Variants in TNR observed in about 807,000 individuals in gnomAD.
TNR encodes tenascin R, also known as tenascin-R.
In TNR, 45 loss-of-function variants were observed where a neutral mutation model predicts 150.4. The observed-to-expected ratio is 0.30, with a 90% confidence interval of 0.24 to 0.38. The LOEUF is 0.38. Among genes scored for constraint, TNR ranks in the 10% least tolerant of loss-of-function variants. The pLI is 1.00. For missense variants in TNR, 1,544 were observed against 1,759.1 expected, an observed-to-expected ratio of 0.88 and a Z score of 2.19; for synonymous variants, 687 against 678.4, an observed-to-expected ratio of 1.01 and a Z score of -0.20.
At chr1:175,420,491 C>T (rs75702870) in intron 2 of TNR, among the ~76,000 whole-genome samples, 1,554 of 152,282 alleles carry the variant, frequency 0.01, 23 homozygotes, top group African/African-American at 0.035. Context: ...TTCAACTAAC[C>T]TAACAGTGGA....
At chr1:175,500,594 C>T (rs1234740343) in intron 2 of TNR, among the ~76,000 whole-genome samples, 2 of 152,170 alleles carry the variant, frequency 1.3e-5, no homozygotes, top group Non-Finnish European at 2.9e-5. Context: ...CTACACGACT[C>T]AGCTAGAGTT....
At chr1:175,411,802 G>T (rs543065277) in intron 2 of TNR, among the ~76,000 whole-genome samples, 23 of 152,056 alleles carry the variant, frequency 1.5e-4, no homozygotes, top group African/African-American at 5.3e-4. Context: ...ACATTCTGAG[G>T]TTCTGGGGTT....
At chr1:175,349,255 A>T (rs1650942659) in intron 18 of TNR, among the ~76,000 whole-genome samples, 1 of 152,306 alleles carries the variant, frequency 6.6e-6, no homozygotes, top group Admixed American at 6.5e-5. Flanking sequence ...TCCAGAAGGC[A>T]TTACCTTAGT....
chr1:175,333,662 T>A (rs1335677118), intron 20 of TNR, among the ~76,000 whole-genome samples: 1 of 152,090 alleles, frequency 6.6e-6, no homozygotes, highest in Non-Finnish European at 1.5e-5. Context: ...GGTAATGGGG[T>A]TAGAAGATAA....
intron 1 of TNR, among the ~76,000 whole-genome samples, chr1:175,699,685 A>T (rs1666628985): frequency 1.3e-5 from 2 of 152,066 alleles, no homozygotes; most frequent in African/African-American, 4.8e-5. Context: ...AGCTGGGTAG[A>T]CGGAAGGTGG....
intron 15 of TNR, among the ~76,000 whole-genome samples, chr1:175,358,461 C>T (rs1267100072): frequency 6.6e-6 from 1 of 152,140 alleles, no homozygotes; most frequent in East Asian, 1.9e-4. Context: ...ATTCCTTTTC[C>T]AAGTTGTTTA....
intron 1 of TNR, among the ~76,000 whole-genome samples, chr1:175,729,855 A>G (rs1308101671): frequency 6.6e-6 from 1 of 152,134 alleles, no homozygotes; most frequent in African/African-American, 2.4e-5. Flanking sequence ...TGCTCACCCC[A>G]AGTCCCTCCA....
intron 6 of TNR, among the ~76,000 whole-genome samples, chr1:175,392,284 A>G (rs1395090709): frequency 6.6e-6 from 1 of 152,078 alleles, no homozygotes; most frequent in Non-Finnish European, 1.5e-5. Flanking sequence ...GGGCACTGCC[A>G]TTCTCCCCTA....
chr1:175,564,626 G>A (rs747029585), intron 1 of TNR, among the ~76,000 whole-genome samples: 4 of 152,204 alleles, frequency 2.6e-5, no homozygotes, highest in East Asian at 1.9e-4. Flanking sequence ...TGGTTTGAAG[G>A]GGGGAGCTTA....
chr1:175,481,649 A>T (rs1209924257), intron 2 of TNR, among the ~76,000 whole-genome samples: 1 of 152,150 alleles, frequency 6.6e-6, no homozygotes, highest in African/African-American at 2.4e-5. Context: ...CTTGGAAAAG[A>T]AGGTGGTGGG....
At chr1:175,412,369 C>T (rs918728690) in intron 2 of TNR, among the ~76,000 whole-genome samples, 7 of 152,126 alleles carry the variant, frequency 4.6e-5, no homozygotes, top group Admixed American at 4.6e-4. Flanking sequence ...GTTTTCTCCA[C>T]CAATCCAAGA....
intron 1 of TNR, among the ~76,000 whole-genome samples, chr1:175,547,641 AAG>A (rs1557999547): frequency 2.8e-4 from 28 of 98,940 alleles, no homozygotes; most frequent in African/African-American, 9.8e-4. Context: ...AAGAAAGAGA[AAG>A]AAAGAAAGGA....
chr1:175,394,990 A>T (rs555730063), intron 5 of TNR, among the ~76,000 whole-genome samples: 13 of 152,266 alleles, frequency 8.5e-5, no homozygotes, highest in Non-Finnish European at 1.8e-4. Flanking sequence ...AAAGCGGCAG[A>T]TGGTGACCTG....
chr1:175,724,927 G>C (rs1667438306), intron 1 of TNR, among the ~76,000 whole-genome samples: 1 of 152,124 alleles, frequency 6.6e-6, no homozygotes, highest in Non-Finnish European at 1.5e-5. Flanking sequence ...ACCCTAGGGA[G>C]TGTGGGGAAC....
intron 1 of TNR, among the ~76,000 whole-genome samples, chr1:175,576,484 T>C (rs1321475123): frequency 6.6e-6 from 1 of 152,130 alleles, no homozygotes; most frequent in Non-Finnish European, 1.5e-5. Context: ...CTATCACCAA[T>C]GATCAGAAAT....
chr1:175,604,421 A>G (rs1227821223), intron 1 of TNR, among the ~76,000 whole-genome samples: 1 of 152,180 alleles, frequency 6.6e-6, no homozygotes, highest in Admixed American at 6.5e-5. Flanking sequence ...TCCGGGTTGG[A>G]AATGTAGGCC....
intron 2 of TNR, among the ~76,000 whole-genome samples, chr1:175,474,457 G>A (rs1657455699): frequency 6.6e-6 from 1 of 152,176 alleles, no homozygotes; most frequent in African/African-American, 2.4e-5. Context: ...GGCCCCTGAT[G>A]TTGGACTTCC....
intron 1 of TNR, among the ~76,000 whole-genome samples, chr1:175,568,734 C>T (rs929621943): frequency 2.0e-5 from 3 of 152,304 alleles, no homozygotes; most frequent in Non-Finnish European, 4.4e-5. Context: ...GAGCAATGTG[C>T]TGAGGCTAGA....
intron 9 of TNR, among the ~76,000 whole-genome samples, chr1:175,369,823 T>C (rs1239258742): frequency 1.3e-5 from 2 of 152,210 alleles, no homozygotes. Context: ...TGGCTTGGCT[T>C]GGTCAAGAGG....
Sources: gnomAD v4.1 joint callset for allele counts (sites outside exome capture counted in the v4.1 genomes callset) on GRCh38, gnomAD v4.1.1 for gene constraint, MANE v1.5 for transcripts, NCBI Gene and HGNC (gene_info 2026-07-23, HGNC 2026-07-21) for gene names.